Variants in CLVS1 observed in about 807,000 individuals in gnomAD.
The protein encoded by CLVS1 is clavesin-1.
CLVS1 carries 10 observed loss-of-function variants against 33.1 expected under a neutral mutation model. The ratio of observed to expected loss-of-function variants is 0.30; its 90% CI spans 0.19 to 0.51. The LOEUF (loss-of-function observed/expected upper bound fraction) is 0.51, where lower values mean the gene tolerates loss of function less well. CLVS1 is among the 20% of genes least tolerant of loss of function. The probability of loss-of-function intolerance (pLI) is 0.97; values close to 1 mark genes in which losing one functional copy is unlikely to be tolerated. For missense variants in CLVS1, 343 were observed against 433.4 expected, an observed-to-expected ratio of 0.79 and a Z score of 1.85; for synonymous variants, 163 against 166.1, an observed-to-expected ratio of 0.98 and a Z score of 0.14.
chr8:61,028,664 G>A, the CLVS1 span, among the ~76,000 whole-genome samples: 1 of 152,164 alleles, frequency 6.6e-6, no homozygotes, highest in Admixed American at 6.5e-5. Context: ...CAGTGGCTAT[G>A]GTGGTCACTG....
chr8:61,276,562 G>A (rs1809565050), intron 2 of CLVS1, among the ~76,000 whole-genome samples: 1 of 152,170 alleles, frequency 6.6e-6, no homozygotes, highest in Non-Finnish European at 1.5e-5. Context: ...TCCATAGGCA[G>A]CACTTATCAG....
the CLVS1 span, among the ~76,000 whole-genome samples, chr8:61,048,239 G>C: frequency 2.0e-5 from 3 of 152,234 alleles, no homozygotes; most frequent in African/African-American, 7.2e-5. Flanking sequence ...TGCTGACCAA[G>C]AGTGAAGGGA....
chr8:61,421,126 A>T (rs1189484752), intron 3 of CLVS1, among the ~76,000 whole-genome samples: 1 of 152,142 alleles, frequency 6.6e-6, no homozygotes, highest in Non-Finnish European at 1.5e-5. Flanking sequence ...TTTGGTTGGG[A>T]TAAAAGTTCC....
the CLVS1 span, among the ~76,000 whole-genome samples, chr8:60,994,976 C>G: frequency 6.6e-6 from 1 of 151,810 alleles, no homozygotes; most frequent in Non-Finnish European, 1.5e-5. Flanking sequence ...AAAGCTGAAA[C>G]TGGATCCCTT....
chr8:61,258,605 T>C (rs1234511881), intron 2 of CLVS1, among the ~76,000 whole-genome samples: 2 of 152,164 alleles, frequency 1.3e-5, no homozygotes, highest in Admixed American at 1.3e-4. Flanking sequence ...AGGCATCTTA[T>C]CCGAGACTCC....
chr8:61,035,181 TTTTTTC>T, the CLVS1 span, among the ~76,000 whole-genome samples: 2 of 87,116 alleles, frequency 2.3e-5, no homozygotes, highest in South Asian at 3.4e-4. Flanking sequence ...TTTTCTTTTC[TTTTTTC>T]TTTTTTTTTT....
chr8:61,485,337 T>G (rs963728581), intron 5 of CLVS1, among the ~76,000 whole-genome samples: 18 of 152,252 alleles, frequency 1.2e-4, no homozygotes, highest in Non-Finnish European at 1.9e-4. Flanking sequence ...AACAGACACA[T>G]GAAAAAATGC....
chr8:61,236,970 T>C (rs925431888), intron 2 of CLVS1, among the ~76,000 whole-genome samples: 2 of 152,216 alleles, frequency 1.3e-5, no homozygotes, highest in African/African-American at 4.8e-5. Flanking sequence ...AACAAAGTTG[T>C]GTTATTAATA....
chr8:61,189,020 G>T (rs1017618187), intron 2 of CLVS1, among the ~76,000 whole-genome samples: 5 of 151,996 alleles, frequency 3.3e-5, no homozygotes, highest in Admixed American at 6.6e-5. Context: ...TAGAGAAATA[G>T]AGACAAAGAA....
chr8:61,102,097 A>G (rs1805461300), intron 1 of CLVS1, among the ~76,000 whole-genome samples: 1 of 152,024 alleles, frequency 6.6e-6, no homozygotes. Flanking sequence ...TTTTCATATA[A>G]ATTTTGGGAT....
At chr8:61,217,162 A>G (rs772224120) in intron 2 of CLVS1, among the ~76,000 whole-genome samples, 2 of 152,200 alleles carry the variant, frequency 1.3e-5, no homozygotes, top group African/African-American at 2.4e-5. Flanking sequence ...GATACATAGC[A>G]TCTCATAACT....
intron 1 of CLVS1, among the ~76,000 whole-genome samples, chr8:61,125,729 AG>A (rs1312401352): frequency 6.6e-6 from 1 of 152,270 alleles, no homozygotes; most frequent in Admixed American, 6.5e-5. Flanking sequence ...GTTCCCACTT[AG>A]TACACAGAAA....
At chr8:61,217,488 T>C (rs762622130) in intron 2 of CLVS1, among the ~76,000 whole-genome samples, 1 of 152,200 alleles carries the variant, frequency 6.6e-6, no homozygotes, top group Non-Finnish European at 1.5e-5. Context: ...TCCTTTAGAA[T>C]ATTGAATATA....
chr8:61,377,280 G>A (rs1347143133), intron 3 of CLVS1: 2 of 152,336 alleles, frequency 1.3e-5, no homozygotes, highest in Non-Finnish European at 2.9e-5. Context: ...GACCACTTAT[G>A]AGGATTTTGG....
intron 1 of CLVS1, among the ~76,000 whole-genome samples, chr8:61,067,288 T>C (rs1032137212): frequency 3.3e-5 from 5 of 152,026 alleles, no homozygotes; most frequent in African/African-American, 1.2e-4. Context: ...GTCTCTGACG[T>C]AGTTCTTGGC....
intron 2 of CLVS1, among the ~76,000 whole-genome samples, chr8:61,152,391 C>A (rs889354304): frequency 6.6e-6 from 1 of 152,140 alleles, no homozygotes; most frequent in African/African-American, 2.4e-5. Flanking sequence ...TAACAAAATA[C>A]CACTGCATGG....
chr8:61,132,926 G>A (rs112251893), intron 2 of CLVS1, among the ~76,000 whole-genome samples: 48 of 152,310 alleles, frequency 3.2e-4, no homozygotes, highest in African/African-American at 1.2e-3. Flanking sequence ...CCAGGTGTGG[G>A]AGGAAGCTTT....
chr8:61,230,438 C>T (rs1241239259), intron 2 of CLVS1, among the ~76,000 whole-genome samples: 11 of 152,072 alleles, frequency 7.2e-5, no homozygotes, highest in African/African-American at 1.7e-4. Flanking sequence ...ATAAAAGTAG[C>T]ATATTTTTGA....
At chr8:61,051,988 C>T in the CLVS1 span, among the ~76,000 whole-genome samples, 607 of 152,370 alleles carry the variant, frequency 4.0e-3, 2 homozygotes, top group Non-Finnish European at 5.0e-3. Context: ...CTGTGCCATC[C>T]GGCCATGGCC....
Sources: gnomAD v4.1 joint callset for allele counts (sites outside exome capture counted in the v4.1 genomes callset) on GRCh38, gnomAD v4.1.1 for gene constraint, MANE v1.5 for transcripts, NCBI Gene and HGNC (gene_info 2026-07-23, HGNC 2026-07-21) for gene names.